RBFOX1: variants seen among roughly 807,000 people sequenced by gnomAD.
RBFOX1 encodes the protein RNA binding protein fox-1 homolog 1.
A neutral mutation model predicts 57.7 loss-of-function variants in RBFOX1; 8 were observed. The ratio of observed to expected loss-of-function variants is 0.14; its 90% CI spans 0.08 to 0.25. RBFOX1 has a LOEUF of 0.25. Ranked by LOEUF, RBFOX1 falls within the 10% of genes least tolerant of loss-of-function variation. The pLI is 1.00. For synonymous variants in RBFOX1, 326 were observed against 222.4 expected (o/e 1.47, Z -4.15); for missense variants, 611 against 548.5 (o/e 1.11, Z -1.14).
At chr16:6,632,831 G>GC (rs1567965723) in intron 2 of RBFOX1, among the ~76,000 whole-genome samples, 1 of 152,186 alleles carries the variant, frequency 6.6e-6, no homozygotes, top group African/African-American at 2.4e-5. Flanking sequence ...TATTACTGGA[G>GC]CTGCTCTCTT....
At chr16:7,611,027 G>A (rs1257865511) in intron 10 of RBFOX1, among the ~76,000 whole-genome samples, 2 of 152,300 alleles carry the variant, frequency 1.3e-5, no homozygotes, top group East Asian at 1.9e-4. Context: ...ATCTGCTTAA[G>A]ATAGAAAGCC....
At chr16:6,002,648 G>A (rs927343895) in intron 4 of RBFOX1, among the ~76,000 whole-genome samples, 2 of 152,182 alleles carry the variant, frequency 1.3e-5, no homozygotes, top group Non-Finnish European at 2.9e-5. Context: ...ACCGTTCTGT[G>A]TTTCCAGAAA....
At chr16:6,611,150 A>T (rs1377662579) in intron 2 of RBFOX1, among the ~76,000 whole-genome samples, 1 of 151,948 alleles carries the variant, frequency 6.6e-6, no homozygotes, top group Non-Finnish European at 1.5e-5. Flanking sequence ...TTGTGTAGTT[A>T]TTTTTTTGAG....
chr16:6,752,385 A>G (rs896469115), intron 3 of RBFOX1, among the ~76,000 whole-genome samples: 2 of 152,194 alleles, frequency 1.3e-5, no homozygotes, highest in East Asian at 3.9e-4. Context: ...AGTAAAGTAG[A>G]GAGAATGAAG....
At chr16:6,682,543 G>C (rs1024360985) in intron 3 of RBFOX1, among the ~76,000 whole-genome samples, 6 of 152,106 alleles carry the variant, frequency 3.9e-5, no homozygotes, top group Non-Finnish European at 8.8e-5. Context: ...TGGCAAACTG[G>C]ACCGGTGCAT....
At chr16:5,824,703 G>A (rs1003749789) in intron 3 of RBFOX1, among the ~76,000 whole-genome samples, 1 of 152,228 alleles carries the variant, frequency 6.6e-6, no homozygotes, top group Non-Finnish European at 1.5e-5. Context: ...GGCATCTGAG[G>A]CCTCTCTCTT....
chr16:5,635,055 G>A (rs2048637521), intron 3 of RBFOX1, among the ~76,000 whole-genome samples: 1 of 152,140 alleles, frequency 6.6e-6, no homozygotes, highest in Non-Finnish European at 1.5e-5. Context: ...AAATAAAAGA[G>A]ATGGAGGGGA....
chr16:6,794,146 A>T (rs368872133), intron 3 of RBFOX1, among the ~76,000 whole-genome samples: 1 of 152,140 alleles, frequency 6.6e-6, no homozygotes, highest in Non-Finnish European at 1.5e-5. Flanking sequence ...CCTATGCTGG[A>T]AAGTGTTCCC....
At chr16:7,397,084 A>C (rs2098152706) in intron 4 of RBFOX1, among the ~76,000 whole-genome samples, 1 of 152,232 alleles carries the variant, frequency 6.6e-6, no homozygotes, top group South Asian at 2.1e-4. Flanking sequence ...CACATGAAAA[A>C]TGAAAACTAT....
At chr16:6,680,237 A>G (rs1369944982) in intron 3 of RBFOX1, among the ~76,000 whole-genome samples, 2 of 146,104 alleles carry the variant, frequency 1.4e-5, no homozygotes, top group Non-Finnish European at 3.0e-5. Context: ...TTTTACTATG[A>G]GTATGATTCC....
intron 3 of RBFOX1, among the ~76,000 whole-genome samples, chr16:5,684,824 G>T (rs564636745): frequency 2.0e-5 from 3 of 152,126 alleles, no homozygotes; most frequent in South Asian, 2.1e-4. Context: ...GGGTTGCTTG[G>T]GGGTATTTGG....
intron 4 of RBFOX1, among the ~76,000 whole-genome samples, chr16:7,197,518 G>A (rs1471654979): frequency 1.3e-5 from 2 of 149,334 alleles, no homozygotes; most frequent in African/African-American, 4.9e-5. Context: ...GTGTGGCCAT[G>A]CCTTAAAAAA....
At chr16:7,616,314 A>G (rs748123724) in intron 10 of RBFOX1, among the ~76,000 whole-genome samples, 16 of 152,328 alleles carry the variant, frequency 1.1e-4, no homozygotes, top group South Asian at 6.2e-4. Context: ...GATGTGCTTA[A>G]TTTTTCCAGA....
At chr16:6,312,088 C>T (rs1370261823) in intron 1 of RBFOX1, among the ~76,000 whole-genome samples, 3 of 152,144 alleles carry the variant, frequency 2.0e-5, no homozygotes, top group Non-Finnish European at 2.9e-5. Context: ...TACAAAATCC[C>T]AACTTAGGTG....
chr16:5,370,839 C>A (rs1407401599), intron 1 of RBFOX1, among the ~76,000 whole-genome samples: 2 of 152,108 alleles, frequency 1.3e-5, no homozygotes, highest in Non-Finnish European at 2.9e-5. Flanking sequence ...CCACCATCCC[C>A]CAATTTTTAG....
At chr16:6,815,386 C>A (rs1160814693) in intron 3 of RBFOX1, among the ~76,000 whole-genome samples, 3 of 152,180 alleles carry the variant, frequency 2.0e-5, no homozygotes, top group Non-Finnish European at 4.4e-5. Context: ...GAATGCAGCC[C>A]AGTAGATCTC....
intron 1 of RBFOX1, among the ~76,000 whole-genome samples, chr16:6,055,190 G>A (rs768547879): frequency 6.6e-6 from 1 of 152,000 alleles, no homozygotes; most frequent in Non-Finnish European, 1.5e-5. Flanking sequence ...CTGTCCAACG[G>A]AATTATTAAA....
chr16:5,689,564 T>A (rs764742696), intron 3 of RBFOX1, among the ~76,000 whole-genome samples: 1 of 152,120 alleles, frequency 6.6e-6, no homozygotes, highest in Admixed American at 6.5e-5. Flanking sequence ...CAGGAAAGAC[T>A]TTTTGGGACC....
chr16:5,528,285 C>T (rs77110775), intron 2 of RBFOX1, among the ~76,000 whole-genome samples: 1,646 of 152,140 alleles, frequency 0.011, 12 homozygotes, highest in Non-Finnish European at 0.018. Flanking sequence ...GAGTGTAGGA[C>T]CTGCAGATTT....
Sources: gnomAD v4.1 joint callset for allele counts (sites outside exome capture counted in the v4.1 genomes callset) on GRCh38, gnomAD v4.1.1 for gene constraint, MANE v1.5 for transcripts, NCBI Gene and HGNC (gene_info 2026-07-23, HGNC 2026-07-21) for gene names.